Variants in GPM6A observed in about 807,000 individuals in gnomAD.
GPM6A encodes neuronal membrane glycoprotein M6-a.
A neutral mutation model predicts 32.1 loss-of-function variants in GPM6A; 7 were observed. That is an observed-to-expected ratio of 0.22 (90% CI 0.12 to 0.41). The LOEUF is 0.41. Among genes scored for constraint, GPM6A ranks in the 10% least tolerant of loss-of-function variants. The pLI, the probability that GPM6A is intolerant of heterozygous loss-of-function variation, is 1.00. For missense variants in GPM6A, 235 were observed against 347.2 expected (o/e 0.68, Z 2.57); for synonymous variants, 130 against 123.4 (o/e 1.05, Z -0.35).
chr4:175,672,339 CTG>C (rs1246786370), intron 3 of GPM6A, among the ~76,000 whole-genome samples: 1 of 152,146 alleles, frequency 6.6e-6, no homozygotes, highest in African/African-American at 2.4e-5. Context: ...AATGAGGAAA[CTG>C]TGATCCATAA....
At chr4:175,978,707 A>G (rs1303433646) in intron 1 of GPM6A, among the ~76,000 whole-genome samples, 1 of 152,200 alleles carries the variant, frequency 6.6e-6, no homozygotes, top group Non-Finnish European at 1.5e-5. Flanking sequence ...TGCATATTGG[A>G]TTCAAGTACT....
intron 1 of GPM6A, among the ~76,000 whole-genome samples, chr4:175,830,657 C>A (rs1322132341): frequency 6.6e-6 from 1 of 152,246 alleles, no homozygotes; most frequent in African/African-American, 2.4e-5. Context: ...GTTTCTTCAG[C>A]GTCCATATCT....
chr4:175,637,277 T>C (rs1740729935), intron 6 of GPM6A, among the ~76,000 whole-genome samples: 2 of 61,624 alleles, frequency 3.2e-5, no homozygotes, highest in Non-Finnish European at 2.9e-5. Flanking sequence ...TTATATATTA[T>C]ATATTATATA....
At chr4:175,757,075 C>T (rs1732556894) in intron 1 of GPM6A, among the ~76,000 whole-genome samples, 1 of 152,004 alleles carries the variant, frequency 6.6e-6, no homozygotes, top group Non-Finnish European at 1.5e-5. Context: ...ATAGTCTCCT[C>T]CAGCATTGCA....
At chr4:175,891,955 G>A (rs1451073289) in intron 1 of GPM6A, among the ~76,000 whole-genome samples, 2 of 152,156 alleles carry the variant, frequency 1.3e-5, no homozygotes, top group Non-Finnish European at 2.9e-5. Flanking sequence ...TCAACAAGCA[G>A]TACAGCAAAC....
At position 175,982,950 on chromosome 4, in the gene GPM6A, C is replaced by T. The variant is rs146916562; in HGVS notation, c.-23+19359G>A. Among the ~76,000 whole-genome samples, 170 of 151,960 alleles carry T rather than the reference C, an allele frequency of 1.1e-3. 1 individual carries two copies. In the Middle Eastern group the frequency reaches 0.014, roughly 12 times the overall value. On this transcript the variant is annotated intron_variant, in intron 1 of 7. Coordinates refer to the GPM6A transcript ENST00000280187. ...ATAAACGGCATGTACATATTGTGTT[C>T]GGTTTATACCTATTTTATATATTTT...
At chr4:175,652,182 A>G (rs1375649190) in intron 3 of GPM6A, among the ~76,000 whole-genome samples, 195 bp from the exon 4 acceptor site, 1 of 152,314 alleles carries the variant, frequency 6.6e-6, no homozygotes, top group South Asian at 2.1e-4. Flanking sequence ...AACCTGCTGG[A>G]AAATCATATC....
chr4:175,960,087 C>A (rs931494635), intron 1 of GPM6A, among the ~76,000 whole-genome samples: 2 of 152,074 alleles, frequency 1.3e-5, no homozygotes, highest in African/African-American at 4.8e-5. Context: ...TGAATAGGAC[C>A]AAATCATAGT....
chr4:175,961,025 T>C (rs1414172879), intron 1 of GPM6A, among the ~76,000 whole-genome samples: 1 of 152,196 alleles, frequency 6.6e-6, no homozygotes, highest in Non-Finnish European at 1.5e-5. Context: ...CACAATAATA[T>C]TCAGCATACC....
chr4:175,697,283 T>A (rs1191288819), intron 2 of GPM6A, among the ~76,000 whole-genome samples: 2 of 152,148 alleles, frequency 1.3e-5, no homozygotes, highest in East Asian at 3.9e-4. Flanking sequence ...CCCAAATGAA[T>A]CTGCTTCACA....
intron 4 of GPM6A, among the ~76,000 whole-genome samples, chr4:175,647,432 G>A (rs1163447242): frequency 6.6e-6 from 1 of 152,074 alleles, no homozygotes; most frequent in African/African-American, 2.4e-5. Context: ...TATTTCATGA[G>A]CAGTTTGAAA....
Position 175,767,738 on chromosome 4 carries a change from T to C in GPM6A, c.37+44453A>G, listed in dbSNP as rs192071448. On this transcript the variant is annotated intron_variant, in intron 1 of 6. Transcript: ENST00000393658. ...CTGCATTCCATTACTAGCTAGAAAGTTTGAATTTCCTTAAATATGTTCAGC... is the reference window on the plus strand; with the variant it reads ...CTGCATTCCATTACTAGCTAGAAAGCTTGAATTTCCTTAAATATGTTCAGC... Among the ~76,000 whole-genome samples, 6 of 152,196 alleles carry C rather than the reference T, an allele frequency of 3.9e-5. No individual in the cohort carries two copies. The East Asian group carries it at 7.7e-4, about 20-fold the overall frequency.
intron 2 of GPM6A, among the ~76,000 whole-genome samples, chr4:175,677,374 T>A (rs577448401): frequency 6.6e-6 from 1 of 152,156 alleles, no homozygotes; most frequent in Non-Finnish European, 1.5e-5. Flanking sequence ...TACTTTTCTA[T>A]GTGCTAACAC....
intron 1 of GPM6A, among the ~76,000 whole-genome samples, chr4:175,898,965 CA>C (rs1188392090): frequency 9.2e-5 from 14 of 152,150 alleles, no homozygotes; most frequent in African/African-American, 3.1e-4. Context: ...AATGAATAAA[CA>C]GACAAGTTTC....
chr4:175,673,063 A>T (rs1743170173), intron 3 of GPM6A, among the ~76,000 whole-genome samples: 1 of 152,162 alleles, frequency 6.6e-6, no homozygotes, highest in Non-Finnish European at 1.5e-5. Context: ...TCAACATTTC[A>T]TTCTAGAAAA....
intron 1 of GPM6A, among the ~76,000 whole-genome samples, chr4:175,792,800 T>C (rs909892056): frequency 5.9e-5 from 9 of 152,236 alleles, no homozygotes; most frequent in Non-Finnish European, 1.2e-4. Context: ...TCTCATGTTA[T>C]TGTATTCATA....
At chr4:175,818,603 T>C (rs976706) in intron 1 of GPM6A, among the ~76,000 whole-genome samples, 126,669 of 152,234 alleles carry the variant, frequency 0.83, 54,087 homozygotes, top group Middle Eastern at 0.96. Context: ...CATGCATGCA[T>C]GCATGAATGA....
At chr4:175,781,211 T>G (rs1733602327) in intron 1 of GPM6A, 2 of 152,068 alleles carry the variant, frequency 1.3e-5, no homozygotes, top group Admixed American at 1.3e-4. Context: ...ACACCCACCG[T>G]GCGAAAATAA....
chr4:175,900,347 G>A (rs13126482), intron 1 of GPM6A, among the ~76,000 whole-genome samples: 29 of 56,338 alleles, frequency 5.1e-4, no homozygotes, highest in Non-Finnish European at 9.5e-4. Context: ...GGAAAGGAAA[G>A]GAAAAGAAAG....
Sources: allele counts gnomAD v4.1 joint callset (sites outside exome capture counted in the v4.1 genomes callset), GRCh38; gene constraint gnomAD v4.1.1; transcripts MANE v1.5; gene names NCBI Gene and HGNC (gene_info 2026-07-23, HGNC 2026-07-21).